Variants in ERBIN observed in about 807,000 individuals in gnomAD.
ERBIN encodes erbb2 interacting protein, also known as densin-180-like protein.
Under a neutral mutation model 158.4 loss-of-function variants are expected in ERBIN, and 60 were observed. The observed-to-expected ratio is 0.38, with a 90% CI of 0.31 to 0.47. ERBIN has a LOEUF of 0.47. ERBIN is among the 20% of genes least tolerant of loss of function. The probability of loss-of-function intolerance (pLI) is 0.99; values close to 1 mark genes in which losing one functional copy is unlikely to be tolerated. For missense variants in ERBIN, 1,610 were observed against 1,648.0 expected (o/e 0.98, Z 0.40); for synonymous variants, 594 against 557.2 (o/e 1.07, Z -0.93).
chr5:66,047,613 C>T (rs945931781), intron 18 of ERBIN, among the ~76,000 whole-genome samples: 2 of 151,990 alleles, frequency 1.3e-5, no homozygotes, highest in Non-Finnish European at 2.9e-5. Context: ...TACATACTAG[C>T]TACAAGTGGC....
intron 21 of ERBIN, among the ~76,000 whole-genome samples, chr5:66,065,649 G>A (rs1414138039): frequency 1.0e-5 from 1 of 97,902 alleles, no homozygotes; most frequent in African/African-American, 3.9e-5. Context: ...GTGTGTGTGT[G>A]TGTGTGTGTG....
At chr5:66,073,764 A>G (rs550526850) in intron 22 of ERBIN, among the ~76,000 whole-genome samples, 29 of 152,308 alleles carry the variant, frequency 1.9e-4, no homozygotes, top group African/African-American at 4.8e-4. Flanking sequence ...TTCCTTGTCT[A>G]TGAGATTTTC....
At chr5:65,965,782 G>A (rs1439433973) in intron 1 of ERBIN, among the ~76,000 whole-genome samples, 3 of 152,028 alleles carry the variant, frequency 2.0e-5, no homozygotes, top group African/African-American at 7.2e-5. Flanking sequence ...CCCTTAATGT[G>A]TTTTTAGTTC....
chr5:66,033,560 AT>A (rs1561402758), intron 14 of ERBIN, among the ~76,000 whole-genome samples: 1 of 152,222 alleles, frequency 6.6e-6, no homozygotes. Context: ...TATCTGAAAA[AT>A]ATCCATTATA....
intron 21 of ERBIN, among the ~76,000 whole-genome samples, chr5:66,067,396 A>C (rs1431131640): frequency 6.6e-6 from 1 of 152,218 alleles, no homozygotes; most frequent in Non-Finnish European, 1.5e-5. Flanking sequence ...ATAACAAGCC[A>C]TGCTCAAAAT....
rs942176047 is a variant in ERBIN, at chr5:66,008,343, C to T, written c.308-3706C>T. 5.3e-5 allele frequency among the ~76,000 whole-genome samples: 8 copies of T among 152,208 alleles called. No individual in the cohort carries two copies. In the East Asian group the frequency reaches 5.8e-4, roughly 11 times the overall value. ...CTGAGGCAGGAGAATGGTGTGAATA[C>T]GGGAGGCGGAGCTTGCAGTGAGCTG... On this transcript the variant is annotated intron_variant, in intron 4 of 25. Coordinates refer to ENST00000284037, the MANE Select transcript of ERBIN (RefSeq NM_001253697.2).
At position 66,078,704 on chromosome 5, in the gene ERBIN, A is replaced by G. The variant is rs1480731528; in HGVS notation, c.*174A>G. 3.3e-6 allele frequency: 2 copies of G among 599,560 alleles called. No homozygotes were observed. The highest frequency in any genetic ancestry group is 2.9e-6 in the Non-Finnish European group (1 of 339,146). 37.1% of individuals were successfully genotyped at this position (599,560 alleles called of 1,614,324 possible). A position where few individuals can be genotyped will look rare whatever the true frequency, so the allele number is the denominator to read the frequency against. On this transcript the variant is annotated 3_prime_UTR_variant, in exon 26 of 26. Coordinates refer to ENST00000284037, the MANE Select transcript of ERBIN (RefSeq NM_001253697.2). ...GGTTAGAGGGAAAGAACCACTGTAC[A>G]GAATATAAAGGAGACTGTTGAATTC...
chr5:65,960,242 A>C (rs1655065045), intron 1 of ERBIN, among the ~76,000 whole-genome samples: 1 of 152,002 alleles, frequency 6.6e-6, no homozygotes, highest in Admixed American at 6.6e-5. Context: ...TCTGATACAG[A>C]AGAGTACACA....
At chr5:66,015,403 A>T (rs1184398825) in intron 7 of ERBIN, among the ~76,000 whole-genome samples, 1 of 152,134 alleles carries the variant, frequency 6.6e-6, no homozygotes. Flanking sequence ...TTTCGTTGGA[A>T]CACAGCCACA....
chr5:65,987,367 T>TACATACACACACACACACACAC, intron 1 of ERBIN, among the ~76,000 whole-genome samples: 1 of 135,798 alleles, frequency 7.4e-6, no homozygotes, highest in South Asian at 2.6e-4. Context: ...AGAGACTGTC[T>TACATACACACACACACACACAC]ACACACACAC....
rs1458311121 is a variant in ERBIN at position 66,024,418 on chromosome 5, G to A, written c.785G>A (p.Ser262Asn). The stretch of plus-strand genomic sequence containing the variant: ...AACCTTCAAGACCTCCTATTATCAA[G>A]CAATTCACTTCAGCAGCTTCCTGAG... ...CENLQDLLLS[S>N]NSLQQLPETI... is the part of the protein sequence containing the mutation. The change falls in exon 10 of 26, where the codon AGC becomes AAC. Residue 262 changes from serine (S) to asparagine (N), a missense_variant. This residue lies in a region of ERBIN where 596 missense variants were observed against 711.9 expected (regional missense o/e 0.84). Transcript: ENST00000284037. The A allele has an allele frequency of 2.5e-6, 4 of 1,601,134 alleles. No homozygotes were observed. The Admixed American group carries it at 5.3e-5, about 21-fold the overall frequency.
intron 1 of ERBIN, among the ~76,000 whole-genome samples, chr5:65,940,342 T>C (rs1262813712): frequency 6.8e-6 from 1 of 146,830 alleles, no homozygotes; most frequent in Non-Finnish European, 1.5e-5. Flanking sequence ...GAGGAGCCCC[T>C]CCGCCCGGCA....
At chr5:65,967,592 C>T (rs1226535921) in intron 1 of ERBIN, among the ~76,000 whole-genome samples, 2 of 152,178 alleles carry the variant, frequency 1.3e-5, no homozygotes, top group Non-Finnish European at 2.9e-5. Context: ...ATCTAGGTTT[C>T]TGTAAGTAGA....
In ERBIN at chr5:65,990,792, G is replaced by A. The variant is rs575860486; in HGVS notation, c.-9-1918G>A. Among the ~76,000 whole-genome samples the A allele has an allele frequency of 6.3e-4, 95 of 151,002 alleles. 1 individual carries two copies. The highest frequency in any genetic ancestry group is 1.1e-3 in the Admixed American group (17 of 15,206). Reference sequence around the variant, plus strand: ...TTTTTTTTTTTTGAGACGGAGTCTCGCTGTGTTGCTCAGGCTGGAGTGCAG... The same window carrying A: ...TTTTTTTTTTTTGAGACGGAGTCTCACTGTGTTGCTCAGGCTGGAGTGCAG... On this transcript the variant is annotated intron_variant, in intron 2 of 25. Coordinates refer to ENST00000284037, the MANE Select transcript of ERBIN (RefSeq NM_001253697.2).
chr5:65,993,662 C>T (rs1752122570), intron 3 of ERBIN, among the ~76,000 whole-genome samples: 1 of 151,846 alleles, frequency 6.6e-6, no homozygotes, highest in Non-Finnish European at 1.5e-5. Context: ...TTTTTGAAAC[C>T]GTGCGTGGAG....
At chr5:66,043,599 T>C (rs1012472375) in intron 16 of ERBIN, among the ~76,000 whole-genome samples, 1 of 152,152 alleles carries the variant, frequency 6.6e-6, no homozygotes, top group Non-Finnish European at 1.5e-5. Context: ...GATAAAGAAC[T>C]CTTTGTTATG....
At chr5:66,028,417 G>C in intron 14 of ERBIN, 74 bp downstream of exon 14, 1 of 1,142,802 alleles carries the variant, frequency 8.8e-7, no homozygotes, top group Non-Finnish European at 1.3e-6. Flanking sequence ...ATTTACATAG[G>C]GTCATTTAAG....
rs1580022063 is a variant in ERBIN, at chr5:65,926,663, A to T, written c.-201A>T. 1.3e-5 allele frequency: 2 copies of T among 148,702 alleles called. No individual in the cohort carries two copies. Among genetic ancestry groups the T allele is most frequent in the Admixed American group, 1.3e-4 (2 of 14,972 alleles). 9.2% of individuals were successfully genotyped at this position (148,702 alleles called of 1,614,324 possible). ...ACCCCAACCCCCACCAAAGCCACCT[A>T]CTCTTCTTCTGTGGGAGGCCAGTCC... On this transcript the variant is annotated 5_prime_UTR_variant, in exon 1 of 26. Coordinates refer to ENST00000284037, the MANE Select transcript of ERBIN (RefSeq NM_001253697.2).
At chr5:66,014,320 G>A (rs1338888924) in intron 6 of ERBIN, among the ~76,000 whole-genome samples, 1 of 152,090 alleles carries the variant, frequency 6.6e-6, no homozygotes, top group Non-Finnish European at 1.5e-5. Context: ...TTTCTTCTCA[G>A]AGCAGCACTT....
Sources: gnomAD v4.1 joint callset for allele counts (sites outside exome capture counted in the v4.1 genomes callset) on GRCh38, gnomAD v4.1.1 for gene constraint, gnomAD v4.1.1 regional missense constraint, MANE v1.5 for transcripts, NCBI Gene and HGNC (gene_info 2026-07-23, HGNC 2026-07-21) for gene names.